IDO2: variants seen among roughly 807,000 people sequenced by gnomAD.
The protein encoded by IDO2 is indoleamine 2,3-dioxygenase-like 1 protein.
Under a neutral mutation model 45.1 loss-of-function variants are expected in IDO2, and 46 were observed. The observed-to-expected ratio is 1.02, with a 90% CI of 0.80 to 1.30. The LOEUF is 1.30. Ranked by LOEUF, IDO2 falls within the 50% of genes most tolerant of loss-of-function variation. The probability of loss-of-function intolerance (pLI) is 0.00; values close to 1 mark genes in which losing one functional copy is unlikely to be tolerated. For missense variants in IDO2, 544 were observed against 491.8 expected (o/e 1.11, Z -1.00); for synonymous variants, 218 against 184.9 (o/e 1.18, Z -1.45).
At chr8:39,991,431 G>T (rs1016860484) in intron 8 of IDO2, among the ~76,000 whole-genome samples, 4 of 152,148 alleles carry the variant, frequency 2.6e-5, no homozygotes, top group African/African-American at 9.7e-5. Context: ...CAGATCACAT[G>T]GATGAGCAAA....
chr8:39,985,415 C>T (rs1808408761), intron 5 of IDO2, 93 bp from the exon 6 acceptor site: 2 of 1,119,074 alleles, frequency 1.8e-6, no homozygotes, highest in Admixed American at 2.2e-5. Context: ...GACATGTGAC[C>T]CTAGAAGTTA....
intron 2 of IDO2, among the ~76,000 whole-genome samples, chr8:39,953,061 C>G (rs577863977): frequency 1.1e-4 from 16 of 152,080 alleles, no homozygotes; most frequent in African/African-American, 3.9e-4. Context: ...AACCACTGCG[C>G]CTGGCCTAAT....
rs147416524 is a variant in IDO2 at position 39,985,545 on chromosome 8, C to T, written c.449+23C>T. The T allele has an allele frequency of 4.3e-3, 6,671 of 1,554,040 alleles. 24 individuals carry two copies. Among genetic ancestry groups the T allele is most frequent in the Non-Finnish European group, 4.8e-3 (5,502 of 1,146,672 alleles). Reference sequence around the variant, plus strand: ...TGGGTAAGTTCTCAGAAATCATTTACGCACTTTAGAATCCAGGCCAAATTT... The same window carrying T: ...TGGGTAAGTTCTCAGAAATCATTTATGCACTTTAGAATCCAGGCCAAATTT... On this transcript the variant is annotated intron_variant, in intron 6 of 10. Coordinates refer to ENST00000502986, the Ensembl canonical transcript of IDO2.
chr8:39,984,568 C>T lies in IDO2; in HGVS notation c.435-940C>T, dbSNP rs375080467. Among the ~76,000 whole-genome samples, 92 of 152,258 alleles carry T rather than the reference C, an allele frequency of 6.0e-4. 1 individual carries two copies. Among genetic ancestry groups the T allele is most frequent in the Middle Eastern group, 3.4e-3 (1 of 294 alleles). ...AAGGGCTAGTTTAATTCCAGAGATG[C>T]GGACACAGTCCTGGGTCTCACCAAT... On this transcript the variant is annotated intron_variant, in intron 5 of 10. Coordinates refer to ENST00000502986, the Ensembl canonical transcript of IDO2.
intron 9 of IDO2, among the ~76,000 whole-genome samples, chr8:40,010,231 A>G (rs571625158): frequency 1.3e-5 from 2 of 152,246 alleles, no homozygotes; most frequent in African/African-American, 4.8e-5. Context: ...TTGAGCAGAC[A>G]CCTGGAGGAA....
chr8:39,975,099 A>T (rs1808238711), intron 3 of IDO2, among the ~76,000 whole-genome samples: 1 of 151,876 alleles, frequency 6.6e-6, no homozygotes, highest in Non-Finnish European at 1.5e-5. Flanking sequence ...CCTGGGAAAC[A>T]GAGAAAGACT....
chr8:39,947,787 C>CT lies in IDO2; in HGVS notation c.-17-1346dup, dbSNP rs34173446. The stretch of plus-strand genomic sequence containing the variant: ...TTAAATTTATGTTCAAGTGCTATTT[C>CT]TTTTTTTTTTTTTTTTCGAGATGGA... On this transcript the variant is annotated intron_variant, in intron 1 of 10. Transcript: ENST00000502986. Among the ~76,000 whole-genome samples, 40 of 137,428 alleles carry CT rather than the reference C, an allele frequency of 2.9e-4. 1 individual carries two copies. The highest frequency in any genetic ancestry group is 3.7e-4 in the African/African-American group (14 of 37,662). 90.2% of individuals were successfully genotyped at this position (137,428 alleles called of 152,430 possible).
intron 2 of IDO2, among the ~76,000 whole-genome samples, chr8:39,959,683 C>T (rs1004279748): frequency 1.3e-5 from 2 of 152,082 alleles, no homozygotes; most frequent in Non-Finnish European, 2.9e-5. Flanking sequence ...ATTAGCCAGG[C>T]ATGGTGACAT....
intron 9 of IDO2, among the ~76,000 whole-genome samples, chr8:40,006,824 C>A (rs1026196156): frequency 6.6e-6 from 1 of 152,012 alleles, no homozygotes; most frequent in East Asian, 1.9e-4. Context: ...CCAAGCCTGG[C>A]TAATTCTTGT....
At chr8:39,995,164 C>T (rs1311737374) in intron 8 of IDO2, 1 of 147,834 alleles carries the variant, frequency 6.8e-6, no homozygotes, top group East Asian at 2.1e-4. Context: ...TTCTCCTCCT[C>T]CTCCTCCTCT....
At chr8:39,954,683 T>G (rs1807864085) in intron 2 of IDO2, among the ~76,000 whole-genome samples, 1 of 129,524 alleles carries the variant, frequency 7.7e-6, no homozygotes, top group Non-Finnish European at 1.6e-5. Flanking sequence ...TGAGACAGAG[T>G]TGCACTCTGT....
At chr8:39,974,244 G>A (rs544506345) in intron 3 of IDO2, among the ~76,000 whole-genome samples, 54 of 152,192 alleles carry the variant, frequency 3.5e-4, no homozygotes, top group African/African-American at 1.3e-3. Flanking sequence ...ACAGACCCAT[G>A]TGTGTATGGA....
chr8:39,956,408 T>G (rs1465404659), intron 2 of IDO2, among the ~76,000 whole-genome samples: 2 of 152,214 alleles, frequency 1.3e-5, no homozygotes, highest in Non-Finnish European at 2.9e-5. Context: ...ACAGATCATC[T>G]ATCCGTTGAT....
At position 39,940,738 on chromosome 8, in the gene IDO2, C is replaced by T. The variant is rs1807629723; in HGVS notation, c.-18+5520C>T. ...ACCAACCTCTCCCTGTCCCTCCTCC[C>T]CCTATTCATCCCACCCTCTGGTAAC... On this transcript the variant is annotated intron_variant, in intron 1 of 10. Coordinates refer to ENST00000502986, the Ensembl canonical transcript of IDO2. Among the ~76,000 whole-genome samples, 10 of 151,940 alleles carry T rather than the reference C, an allele frequency of 6.6e-5. 1 individual carries two copies. In the South Asian group the frequency reaches 2.1e-3, roughly 32 times the overall value.
exon 2 of IDO2, chr8:39,949,166 A>G (rs1389358011): frequency 6.2e-7 from 1 of 1,606,116 alleles, no homozygotes; most frequent in Non-Finnish European, 8.5e-7. Flanking sequence ...AAACAAAATA[A>G]TGGAGCCCCA....
At chr8:39,950,549 C>T (rs984118799) in intron 2 of IDO2, among the ~76,000 whole-genome samples, 1 of 152,144 alleles carries the variant, frequency 6.6e-6, no homozygotes, top group Non-Finnish European at 1.5e-5. Context: ...CAAATGATCT[C>T]TCAGCAAAAG....
At chr8:39,940,243 C>T (rs1046611907) in intron 1 of IDO2, among the ~76,000 whole-genome samples, 9 of 152,282 alleles carry the variant, frequency 5.9e-5, no homozygotes, top group African/African-American at 2.2e-4. Context: ...CAAAGTTCTA[C>T]CGGACACGCA....
intron 9 of IDO2, 134 bp downstream of exon 9, chr8:40,005,512 TA>T: frequency 4.2e-6 from 2 of 476,220 alleles, no homozygotes; most frequent in Non-Finnish European, 7.3e-6. Flanking sequence ...CACTCTCAGG[TA>T]AAAGAAGTGG....
chr8:39,991,518 T>A (rs548104219), intron 8 of IDO2, among the ~76,000 whole-genome samples: 1 of 151,610 alleles, frequency 6.6e-6, no homozygotes, highest in South Asian at 2.1e-4. Context: ...GTGCATGCAG[T>A]GTCTAACTGT....
Sources: allele counts gnomAD v4.1 joint callset (sites outside exome capture counted in the v4.1 genomes callset), GRCh38; gene constraint gnomAD v4.1.1; transcripts MANE v1.5; gene names NCBI Gene and HGNC (gene_info 2026-07-23, HGNC 2026-07-21).